Variants in NIPBL observed in about 807,000 individuals in gnomAD.
The protein encoded by NIPBL is NIPBL cohesin loading factor, also known as nipped-B-like protein.
Under a neutral mutation model 321.8 loss-of-function variants are expected in NIPBL, and 19 were observed. That is an observed-to-expected ratio of 0.06 (90% CI 0.04 to 0.09). NIPBL has a LOEUF of 0.09. Ranked by LOEUF, NIPBL falls within the 10% of genes least tolerant of loss-of-function variation. NIPBL has a pLI of 1.00. For missense variants in NIPBL, 2,210 were observed against 3,327.0 expected, an observed-to-expected ratio of 0.66 and a Z score of 8.26; for synonymous variants, 1,106 against 1,114.1, an observed-to-expected ratio of 0.99 and a Z score of 0.14.
At position 36,904,228 on chromosome 5, in the gene NIPBL, T is replaced by C. The variant is rs538970028; in HGVS notation, c.-80+27050T>C. ...GCTCGCGCCTCTAATCCCAGCACTT[T>C]GGGAGGCCGAGTTGGGCTGATCACA... On this transcript the variant is annotated intron_variant, in intron 1 of 46. Transcript: ENST00000282516. 4.1e-4 allele frequency among the ~76,000 whole-genome samples: 63 copies of C among 152,368 alleles called. 1 individual carries two copies. Among genetic ancestry groups the C allele is most frequent in the African/African-American group, 1.3e-3 (55 of 41,594 alleles).
chr5:37,046,268 AT>A, intron 38 of NIPBL, 69 bp downstream of exon 38: 1 of 881,528 alleles, frequency 1.1e-6, no homozygotes, highest in Non-Finnish European at 1.9e-6. Context: ...AATATTGTGA[AT>A]CTAAATTGTT....
rs1424683975 is a variant in NIPBL at position 37,019,337 on chromosome 5, A to G, written c.4947A>G (p.Gln1649=). The change falls in exon 25 of 47, where the codon CAA becomes CAG. Residue 1649 remains glutamine, a synonymous_variant. Coordinates refer to ENST00000282516, the MANE Select transcript of NIPBL (RefSeq NM_133433.4). The part of the protein sequence containing the change: ...KQVSGGEDEI[Q]QLQKALLDYL... ...TTTCAGGAGGGGAAGATGAAATCCA[A>G]CAATTACAAAAAGCATTGCTTGATT... 3.7e-6 allele frequency: 6 copies of G among 1,612,688 alleles called. No homozygotes were observed. Among genetic ancestry groups the G allele is most frequent in the African/African-American group, 2.7e-5 (2 of 74,878 alleles).
chr5:37,063,684 T>A, intron 45 of NIPBL, 106 bp from the exon 46 acceptor site: 1 of 1,091,846 alleles, frequency 9.2e-7, no homozygotes, highest in Non-Finnish European at 1.3e-6. Flanking sequence ...ATGGCTAACG[T>A]CTGTTTCACC....
intron 32 of NIPBL, among the ~76,000 whole-genome samples, chr5:37,029,106 G>A (rs1213170727): frequency 1.3e-5 from 2 of 152,178 alleles, no homozygotes; most frequent in African/African-American, 4.8e-5. Context: ...TTGCATCACA[G>A]CAGGAAGCAC....
intron 1 of NIPBL, among the ~76,000 whole-genome samples, chr5:36,901,310 T>C (rs535499665): frequency 5.9e-5 from 9 of 152,316 alleles, no homozygotes; most frequent in South Asian, 2.1e-4. Context: ...TATTCCATGG[T>C]GTATATGTAC....
At chr5:37,021,630 G>A (rs906134004) in intron 27 of NIPBL, among the ~76,000 whole-genome samples, 4 of 152,058 alleles carry the variant, frequency 2.6e-5, no homozygotes, top group Non-Finnish European at 4.4e-5. Context: ...GCAGGGAGCC[G>A]AGATTGCGCC....
At chr5:37,000,748 T>G in intron 12 of NIPBL, 69 bp from the exon 13 acceptor site, 2 of 1,431,416 alleles carry the variant, frequency 1.4e-6, no homozygotes. Flanking sequence ...GGAAAAAAAC[T>G]AGAAACAAAA....
At chr5:36,944,882 A>G (rs932050924) in intron 1 of NIPBL, among the ~76,000 whole-genome samples, 1 of 152,166 alleles carries the variant, frequency 6.6e-6, no homozygotes, top group African/African-American at 2.4e-5. Flanking sequence ...ATATCATCAC[A>G]TATGTTTTGG....
chr5:37,021,248 G>A (rs970439426), intron 27 of NIPBL, among the ~76,000 whole-genome samples: 6 of 152,158 alleles, frequency 3.9e-5, no homozygotes, highest in South Asian at 2.1e-4. Flanking sequence ...GCAGTGAGCC[G>A]AGATCGTGCC....
rs1030959034 is a variant in NIPBL at position 37,063,796 on chromosome 5, C to G, written c.7867C>G (p.Leu2623Val). ...TAATATCTGTTTTTTGTAGTTCAAA[C>G]TTCTCATGGAACATCTGGACCCTGA... ...SIVKQYLDFK[L>V]LMEHLDPDEE... is the part of the protein sequence containing the mutation. Residue 2623 changes from leucine to valine, a missense_variant, in exon 46 of 47, where the codon CTT becomes GTT. By Grantham distance (32) the Leu-to-Val change is conservative. This residue lies in a region of NIPBL where 159 missense variants were observed against 319.2 expected (regional missense o/e 0.50). Coordinates refer to ENST00000282516, the MANE Select transcript of NIPBL (RefSeq NM_133433.4). 1 of 1,613,282 alleles carries G rather than the reference C, an allele frequency of 6.2e-7. No homozygotes were observed. Among genetic ancestry groups the G allele is most frequent in the Admixed American group, 1.7e-5 (1 of 59,932 alleles).
chr5:37,048,213 C>T (rs1469302697), intron 38 of NIPBL, among the ~76,000 whole-genome samples: 1 of 152,066 alleles, frequency 6.6e-6, no homozygotes, highest in African/African-American at 2.4e-5. Context: ...GAACCCAAGA[C>T]TCCTGACTCC....
chr5:36,975,721 T>C, intron 8 of NIPBL, 55 bp from the exon 9 acceptor site: 1 of 1,537,886 alleles, frequency 6.5e-7, no homozygotes, highest in South Asian at 1.1e-5. Flanking sequence ...TCTATCACAT[T>C]GTAAGAAAAT....
chr5:37,061,514 T>TA (rs1455018513), intron 45 of NIPBL, among the ~76,000 whole-genome samples: 1 of 151,980 alleles, frequency 6.6e-6, no homozygotes, highest in East Asian at 1.9e-4. Context: ...CCCGTATCTA[T>TA]AAAAAATACA....
In NIPBL at chr5:37,006,491, G is replaced by C. The variant is rs376434880; in HGVS notation, c.3990G>C (p.Glu1330Asp). ...SPNMPKAVYI[E>D]DVIERVIQYT... Reference sequence around the variant, plus strand: ...ACATGCCAAAAGCTGTGTACATTGAGGATGTAATTGAAAGAGTTATACAGT... The same window carrying C: ...ACATGCCAAAAGCTGTGTACATTGACGATGTAATTGAAAGAGTTATACAGT... The change falls in exon 17 of 47, where the codon GAG becomes GAC. Residue 1330 changes from glutamate to aspartate, a missense_variant. Coordinates refer to ENST00000282516, the MANE Select transcript of NIPBL (RefSeq NM_133433.4). 2 of 1,611,564 alleles carry C rather than the reference G, an allele frequency of 1.2e-6. No individual in the cohort carries two copies. Among genetic ancestry groups the C allele is most frequent in the Non-Finnish European group, 1.7e-6 (2 of 1,177,996 alleles).
At chr5:36,942,912 A>G (rs976979591) in intron 1 of NIPBL, among the ~76,000 whole-genome samples, 9 of 152,150 alleles carry the variant, frequency 5.9e-5, no homozygotes, top group Non-Finnish European at 1.3e-4. Context: ...TAGGACTGAA[A>G]AAAAGTTTTA....
chr5:36,916,489 TACCA>T (rs1442306384), intron 1 of NIPBL, among the ~76,000 whole-genome samples: 2 of 152,160 alleles, frequency 1.3e-5, no homozygotes, highest in Non-Finnish European at 2.9e-5. Context: ...GAGTGAATTT[TACCA>T]ACCATTTACA....
At position 36,976,033 on chromosome 5, in the gene NIPBL, A is replaced by T. The variant is rs944979264; in HGVS notation, c.1126A>T (p.Met376Leu). Residue 376 changes from methionine (M) to leucine (L), a missense_variant, in exon 9 of 47, where the codon ATG becomes TTG. Met to Leu is a conservative substitution (Grantham distance 15). Around this residue, in one of 14 missense-constraint regions of NIPBL, gnomAD observed 464 missense variants for 529.5 expected, o/e 0.88. Coordinates refer to ENST00000282516, the MANE Select transcript of NIPBL (RefSeq NM_133433.4). ...RSSDMDQQED[M>L]ISGVENSNVS... Reference sequence around the variant, plus strand: ...TTCAGACATGGACCAGCAAGAGGATATGATTTCTGGTGTGGAAAATAGCAA... The same window carrying T: ...TTCAGACATGGACCAGCAAGAGGATTTGATTTCTGGTGTGGAAAATAGCAA... 5 of 1,613,950 alleles carry T rather than the reference A, an allele frequency of 3.1e-6. No homozygotes were observed. In the African/African-American group the frequency reaches 6.7e-5, roughly 22 times the overall value.
Position 37,011,750 on chromosome 5 carries a change from G to T in NIPBL, c.4560+1525G>T, listed in dbSNP as rs1403517081. On this transcript the variant is annotated intron_variant, in intron 21 of 46. Transcript: ENST00000282516. ...TGATATACAATTATTTCATTTTTAC[G>T]TAAAGGACAGTGACATATTTACAGC... is the stretch of plus-strand genomic sequence containing the variant. 3.3e-5 allele frequency among the ~76,000 whole-genome samples: 5 copies of T among 150,610 alleles called. No homozygotes were observed. The South Asian group carries it at 6.3e-4, about 19-fold the overall frequency.
chr5:36,981,143 C>T (rs985587036), intron 9 of NIPBL, among the ~76,000 whole-genome samples: 1 of 151,642 alleles, frequency 6.6e-6, no homozygotes, highest in Non-Finnish European at 1.5e-5. Context: ...TGTATTACTA[C>T]TGGTGATATG....
Sources: gnomAD v4.1 joint callset for allele counts (sites outside exome capture counted in the v4.1 genomes callset) on GRCh38, gnomAD v4.1.1 for gene constraint, gnomAD v4.1.1 regional missense constraint, MANE v1.5 for transcripts, NCBI Gene and HGNC (gene_info 2026-07-23, HGNC 2026-07-21) for gene names.